Variants in CPLX1 observed in about 807,000 individuals in gnomAD.
CPLX1 encodes the protein complexin 1, also known as complexin-1.
CPLX1 carries 6 observed loss-of-function variants against 15.6 expected under a neutral mutation model. The observed-to-expected ratio is 0.39, with a 90% CI of 0.21 to 0.76. CPLX1 has a LOEUF of 0.76. Ranked by LOEUF, CPLX1 falls within the 30% of genes least tolerant of loss-of-function variation. The probability of loss-of-function intolerance (pLI) is 0.43; values close to 1 mark genes in which losing one functional copy is unlikely to be tolerated. For synonymous variants in CPLX1, 91 were observed against 75.2 expected, an observed-to-expected ratio of 1.21 and a Z score of -1.08; for missense variants, 242 against 188.6, an observed-to-expected ratio of 1.28 and a Z score of -1.66.
chr4:809,005 C>T (rs759627831), intron 2 of CPLX1, among the ~76,000 whole-genome samples: 7 of 152,270 alleles, frequency 4.6e-5, no homozygotes, highest in Non-Finnish European at 1.0e-4. Context: ...ATAGAGAGCG[C>T]GCGAGTGCGC....
At chr4:799,005 A>G (rs974284784) in intron 2 of CPLX1, among the ~76,000 whole-genome samples, 7 of 152,232 alleles carry the variant, frequency 4.6e-5, no homozygotes. Flanking sequence ...TGAGATATAT[A>G]TATATGTTTT....
chr4:821,690 A>T (rs1378071245), intron 2 of CPLX1, among the ~76,000 whole-genome samples: 1 of 151,952 alleles, frequency 6.6e-6, no homozygotes, highest in Non-Finnish European at 1.5e-5. Context: ...TTGTGGGGGG[A>T]GGCCCGGCCC....
At chr4:821,798 G>A (rs967108658) in intron 2 of CPLX1, among the ~76,000 whole-genome samples, 1 of 152,188 alleles carries the variant, frequency 6.6e-6, no homozygotes, top group Non-Finnish European at 1.5e-5. Flanking sequence ...GGCCCCAACA[G>A]GGGCCCCTCC....
At chr4:799,691 C>T (rs916643818) in intron 2 of CPLX1, among the ~76,000 whole-genome samples, 3 of 152,048 alleles carry the variant, frequency 2.0e-5, no homozygotes, top group Admixed American at 1.3e-4. Context: ...GGTGAAACCC[C>T]GTCTCTACTA....
chr4:812,536 G>C (rs1048177357), intron 2 of CPLX1, among the ~76,000 whole-genome samples: 3 of 152,172 alleles, frequency 2.0e-5, no homozygotes, highest in Non-Finnish European at 4.4e-5. Flanking sequence ...TAATAAAAAG[G>C]GTATGGGCTT....
At chr4:810,136 G>A (rs537211535) in intron 2 of CPLX1, among the ~76,000 whole-genome samples, 13 of 143,698 alleles carry the variant, frequency 9.0e-5, no homozygotes, top group South Asian at 4.5e-4. Context: ...TGCAAGCTCC[G>A]CCTCCTGGGC....
intron 2 of CPLX1, among the ~76,000 whole-genome samples, chr4:812,380 T>C (rs1201200672): frequency 6.6e-6 from 1 of 152,106 alleles, no homozygotes; most frequent in Non-Finnish European, 1.5e-5. Context: ...CCCAGCAGAG[T>C]CTTTTTATAT....
At chr4:790,538 G>A (rs1234935503) in intron 3 of CPLX1, among the ~76,000 whole-genome samples, 1 of 152,160 alleles carries the variant, frequency 6.6e-6, no homozygotes, top group East Asian at 1.9e-4. Context: ...CCCTGACGCT[G>A]CTGGCCCTGT....
chr4:806,391 A>G (rs1746555423), intron 2 of CPLX1, among the ~76,000 whole-genome samples: 2 of 152,248 alleles, frequency 1.3e-5, no homozygotes. Flanking sequence ...CTTATATAAA[A>G]ATTAACTCAA....
intron 2 of CPLX1, among the ~76,000 whole-genome samples, chr4:795,122 C>T (rs568837750): frequency 2.6e-5 from 4 of 152,360 alleles, no homozygotes; most frequent in African/African-American, 7.2e-5. Context: ...CAGATGCCGC[C>T]CACGCCCCCC....
intron 2 of CPLX1, among the ~76,000 whole-genome samples, chr4:802,689 C>T (rs1319581005): frequency 6.6e-6 from 1 of 152,160 alleles, no homozygotes; most frequent in Non-Finnish European, 1.5e-5. Flanking sequence ...GTGGCTCACA[C>T]CTGTAATCCC....
chr4:816,141 T>TAA, intron 2 of CPLX1, among the ~76,000 whole-genome samples: 1 of 151,924 alleles, frequency 6.6e-6, no homozygotes, highest in East Asian at 1.9e-4. Context: ...CTAGTCCTAA[T>TAA]AAATCAACAG....
At chr4:787,201 C>T in intron 3 of CPLX1, 2 of 985,304 alleles carry the variant, frequency 2.0e-6, no homozygotes, top group Non-Finnish European at 2.4e-6. Flanking sequence ...CAGGGCCACT[C>T]CCTGGCAGGC....
intron 3 of CPLX1, chr4:787,384 G>A: frequency 1.0e-6 from 1 of 985,170 alleles, no homozygotes; most frequent in East Asian, 1.1e-4. Flanking sequence ...CTCCGTAGTA[G>A]CTGAATATTG....
chr4:795,303 C>T lies in CPLX1; in HGVS notation c.32-2695G>A, dbSNP rs867973233. 5.3e-5 allele frequency among the ~76,000 whole-genome samples: 8 copies of T among 152,378 alleles called. No individual in the cohort carries two copies. In the South Asian group the frequency reaches 6.2e-4, roughly 12 times the overall value. ...AGACGCCGGAGCGGCGAGACCGGCG[C>T]AGAACGGGCGGCCCCGAGCACTGCT... On this transcript the variant is annotated intron_variant, in intron 2 of 3. Transcript: ENST00000304062.
chr4:797,838 C>T (rs1746374480), intron 2 of CPLX1, among the ~76,000 whole-genome samples: 2 of 152,034 alleles, frequency 1.3e-5, no homozygotes, highest in Admixed American at 6.5e-5. Flanking sequence ...GAGGCTGAGG[C>T]AGAATGGTGT....
intron 2 of CPLX1, among the ~76,000 whole-genome samples, chr4:813,868 A>G (rs1223853978): frequency 6.6e-6 from 1 of 152,206 alleles, no homozygotes; most frequent in Non-Finnish European, 1.5e-5. Flanking sequence ...ATTCCCACAC[A>G]CACACAGAAG....
intron 2 of CPLX1, among the ~76,000 whole-genome samples, chr4:794,363 A>ACAGG (rs903716942): frequency 6.6e-6 from 1 of 152,172 alleles, no homozygotes; most frequent in Non-Finnish European, 1.5e-5. Context: ...GCTGCTGGGG[A>ACAGG]CAGGCAGGCA....
chr4:812,848 C>T (rs904816981), intron 2 of CPLX1, among the ~76,000 whole-genome samples: 1 of 152,224 alleles, frequency 6.6e-6, no homozygotes, highest in African/African-American at 2.4e-5. Context: ...AATGTCCTAA[C>T]GCTGGCCGTC....
Sources: allele counts gnomAD v4.1 joint callset (sites outside exome capture counted in the v4.1 genomes callset), GRCh38; gene constraint gnomAD v4.1.1; transcripts MANE v1.5; gene names NCBI Gene and HGNC (gene_info 2026-07-23, HGNC 2026-07-21).